The following LAMA5 variants were observed in gnomAD, a reference collection of about 807,000 sequenced individuals.
LAMA5 encodes the protein laminin subunit alpha 5, also known as laminin subunit alpha-5.
LAMA5 carries 260 observed loss-of-function variants against 433.4 expected under a neutral mutation model. That is an observed-to-expected ratio of 0.60 (90% CI 0.54 to 0.66). LAMA5 has a LOEUF of 0.66. Ranked by LOEUF, LAMA5 falls within the 30% of genes least tolerant of loss-of-function variation. The pLI is 0.00. For synonymous variants in LAMA5, 2,620 were observed against 2,226.6 expected (o/e 1.18, Z -4.97); for missense variants, 5,378 against 5,258.5 (o/e 1.02, Z -0.70).
chr20:62,329,640 G>T, intron 32 of LAMA5, 137 bp downstream of exon 32: 1 of 1,120,756 alleles, frequency 8.9e-7, no homozygotes, highest in Non-Finnish European at 1.3e-6. Context: ...GGTCCCCAAA[G>T]GCAGGAGCTG....
At chr20:62,345,309 CT>C (rs56342658) in intron 11 of LAMA5, 20,531 of 138,844 alleles carry the variant, frequency 0.15, 2,421 homozygotes, top group African/African-American at 0.35. Flanking sequence ...AACCAATTTT[CT>C]TTTTTTTTTT....
chr20:62,358,967 C>A (rs1309909647), intron 2 of LAMA5, among the ~76,000 whole-genome samples: 2 of 152,158 alleles, frequency 1.3e-5, no homozygotes, highest in African/African-American at 4.8e-5. Context: ...TGCTCGCCCC[C>A]AACCAATACT....
At chr20:62,325,009 T>C (rs2146143319) in intron 41 of LAMA5, 1 of 406,662 alleles carries the variant, frequency 2.5e-6, no homozygotes, top group Non-Finnish European at 4.5e-6. Flanking sequence ...GCCAGGATGG[T>C]CGGTGGGGGA....
intron 34 of LAMA5, 48 bp downstream of exon 34, chr20:62,328,796 C>G (rs745552478): frequency 1.3e-6 from 2 of 1,568,800 alleles, no homozygotes; most frequent in Non-Finnish European, 1.7e-6. Context: ...ACCTTGGGCT[C>G]TGGCACCAAC....
rs1241688148 is a variant in LAMA5 at position 62,315,064 on chromosome 20, C to T, written c.8011G>A (p.Asp2671Asn). ...QGQYEGLRGQ[D>N]LGQAVLDAGH... ...GCGTCAAGCACTGCCTGGCCCAGGT[C>T]CTGGCCCCGCAGGCCCTCGTACTGG... Residue 2671 changes from aspartate to asparagine, a missense_variant, in exon 59 of 80, where the codon GAC (aspartate) becomes AAC (asparagine). By Grantham distance (23) the Asp-to-Asn change is conservative (BLOSUM62 1). Coordinates refer to ENST00000252999, the MANE Select transcript of LAMA5 (RefSeq NM_005560.6). 31 of 1,600,522 alleles carry T rather than the reference C, an allele frequency of 1.9e-5. No individual in the cohort carries two copies. Among genetic ancestry groups the T allele is most frequent in the Non-Finnish European group, 2.6e-5 (31 of 1,178,968 alleles).
chr20:62,357,715 G>A (rs1985452670), intron 2 of LAMA5, among the ~76,000 whole-genome samples: 1 of 152,232 alleles, frequency 6.6e-6, no homozygotes, highest in Non-Finnish European at 1.5e-5. Context: ...GGGGTTGGAC[G>A]CCGCCATGCC....
chr20:62,336,682 G>A (rs1981685196), intron 17 of LAMA5, 52 bp downstream of exon 17: 2 of 1,600,892 alleles, frequency 1.2e-6, no homozygotes, highest in Non-Finnish European at 1.7e-6. Flanking sequence ...GGGACTTTTA[G>A]CTTGGCCTGG....
In LAMA5 at chr20:62,328,999, T is replaced by C. The variant is rs1568933572; in HGVS notation, c.4292A>G (p.Tyr1431Cys). The change falls in exon 34 of 80, where the codon TAT becomes TGT. Residue 1431 changes from tyrosine to cysteine, a missense_variant. Transcript: ENST00000252999. Reference sequence around the variant, plus strand: ...GCCACATGGACGGGCTCCGTTGTTATAGAAGAGGGAGAGGGAAGCAGCAGC... The same window carrying C: ...GCCACATGGACGGGCTCCGTTGTTACAGAAGAGGGAGAGGGAAGCAGCAGC... ...RNAAASLSLFYNNGARPCGCH... is the reference protein window; with the variant it reads ...RNAAASLSLFCNNGARPCGCH... 1.9e-6 allele frequency: 3 copies of C among 1,612,628 alleles called. No individual in the cohort carries two copies. Among genetic ancestry groups the C allele is most frequent in the Non-Finnish European group, 2.5e-6 (3 of 1,179,832 alleles).
rs1162420816 is a variant in LAMA5, at chr20:62,312,274, G to A, written c.9403C>T (p.Leu3135=). Residue 3135 remains leucine, a synonymous_variant, in exon 69 of 80, where the codon CTG becomes TTG. Transcript: ENST00000252999. ...AGCGGTGCCACGTTCGAGAGCGCCAGGCGAAGGAAGCCGTGGCCATGGAAA... is the reference window on the plus strand; with the variant it reads ...AGCGGTGCCACGTTCGAGAGCGCCAAGCGAAGGAAGCCGTGGCCATGGAAA... ...MTFHGHGFLR[L]ALSNVAPLTG... The A allele has an allele frequency of 1.2e-6, 2 of 1,611,412 alleles. No homozygotes were observed. The highest frequency in any genetic ancestry group is 1.7e-6 in the Non-Finnish European group (2 of 1,179,534).
rs141871645 is a variant in LAMA5 at position 62,326,931 on chromosome 20, C to T, written c.5148G>A (p.Leu1716=). 1 of 1,611,390 alleles carries T rather than the reference C, an allele frequency of 6.2e-7. No homozygotes were observed. Among genetic ancestry groups the T allele is most frequent in the Admixed American group, 1.7e-5 (1 of 59,942 alleles). The change falls in exon 39 of 80, where the codon CTG becomes CTA. Residue 1716 remains leucine (L), a synonymous_variant. Coordinates refer to ENST00000252999, the MANE Select transcript of LAMA5 (RefSeq NM_005560.6). ...SSYGGTLRYE[L]HSETQRGDVF... is the part of the protein sequence containing the mutation. ...CATCTCCCCGCTGGGTCTCTGAGTGCAGTTCATAACGGAGGGTCCCACCGT... is the reference window on the plus strand; with the variant it reads ...CATCTCCCCGCTGGGTCTCTGAGTGTAGTTCATAACGGAGGGTCCCACCGT...
chr20:62,313,686 A>T lies in LAMA5; in HGVS notation c.8621T>A (p.Phe2874Tyr), dbSNP rs1986577880. ...GGGGTACCCCCCGACGTAGAAGACG[A>T]AGTCGTCTGGCCGCAGGTTGAGCAG... is the stretch of plus-strand genomic sequence containing the variant. The part of the protein sequence containing the change: ...EGLLNLRPDD[F>Y]VFYVGGYPST... The change falls in exon 63 of 80, where the codon TTC becomes TAC. Residue 2874 changes from phenylalanine to tyrosine, a missense_variant. Coordinates refer to ENST00000252999, the MANE Select transcript of LAMA5 (RefSeq NM_005560.6). 1.2e-6 allele frequency: 2 copies of T among 1,612,792 alleles called. No homozygotes were observed. The highest frequency in any genetic ancestry group is 1.7e-6 in the Non-Finnish European group (2 of 1,179,954).
In LAMA5 at chr20:62,359,553, C is replaced by G. The variant is rs1301488271; in HGVS notation, c.450+2847G>C. Among the ~76,000 whole-genome samples the G allele has an allele frequency of 6.6e-6, 1 of 152,092 alleles. No individual in the cohort carries two copies. The highest frequency in any genetic ancestry group is 1.5e-5 in the Non-Finnish European group (1 of 68,004). ...AGGCCAGTGATGTGGCCGCTCAGTT[C>G]CAGAAGCTTCCGGAGGATGCAAGGA... On this transcript the variant is annotated intron_variant, in intron 2 of 79. Transcript: ENST00000252999. This position sits in a 1 kb window ranked among gnomAD's most constrained non-coding sequence, Gnocchi z 4.3.
chr20:62,320,958 C>G, intron 48 of LAMA5, 68 bp from the exon 49 acceptor site: 1 of 1,530,512 alleles, frequency 6.5e-7, no homozygotes, highest in Non-Finnish European at 8.8e-7. Flanking sequence ...TCAGCTGGGG[C>G]CCTGGGGTCA....
At chr20:62,358,205 C>G (rs953861176) in intron 2 of LAMA5, among the ~76,000 whole-genome samples, 2 of 152,180 alleles carry the variant, frequency 1.3e-5, no homozygotes, top group Admixed American at 1.3e-4. Context: ...AGGAGCGGCC[C>G]CATCCCCACC....
Position 62,346,234 on chromosome 20 carries a change from C to G in LAMA5, c.1283-19G>C. On this transcript the variant is annotated intron_variant, in intron 9 of 79. Coordinates refer to ENST00000252999, the MANE Select transcript of LAMA5 (RefSeq NM_005560.6). ...TTGCAGCCTGGGCAGGGGCAGGAGCCGGGTAAGCCTGGAGCTACCAGGACT... is the reference window on the plus strand; with the variant it reads ...TTGCAGCCTGGGCAGGGGCAGGAGCGGGGTAAGCCTGGAGCTACCAGGACT... 2 of 1,606,184 alleles carry G rather than the reference C, an allele frequency of 1.2e-6. No individual in the cohort carries two copies. The highest frequency in any genetic ancestry group is 1.7e-6 in the Non-Finnish European group (2 of 1,176,982).
chr20:62,328,351 G>A lies in LAMA5; in HGVS notation c.4542C>T (p.Pro1514=). ...TIPPDCLLCQ[P]QTFGCHPLVG... is the part of the protein sequence containing the mutation. ...CCAGGGGGTGGCAGCCAAAGGTCTGGGGCTGGCACAGCAGGCAGTCGGGCG... is the reference window on the plus strand; with the variant it reads ...CCAGGGGGTGGCAGCCAAAGGTCTGAGGCTGGCACAGCAGGCAGTCGGGCG... The change falls in exon 35 of 80, where the codon CCC becomes CCT. Residue 1514 remains proline, a synonymous_variant. Coordinates refer to ENST00000252999, the MANE Select transcript of LAMA5 (RefSeq NM_005560.6). The A allele has an allele frequency of 6.3e-7, 1 of 1,596,622 alleles. No homozygotes were observed. The highest frequency in any genetic ancestry group is 1.1e-5 in the South Asian group (1 of 88,786).
chr20:62,332,487 G>A lies in LAMA5; in HGVS notation c.3444-7C>T. On this transcript the variant is annotated splice_region_variant and splice_polypyrimidine_tract_variant and intron_variant, in intron 27 of 79. Transcript: ENST00000252999. ...AGTGCCCCGGCACAGGGTGCTGTGG[G>A]GGGAGGGTGGTCAGCAGGTGGGGCA... The A allele has an allele frequency of 6.2e-7, 1 of 1,611,476 alleles. No homozygotes were observed.
rs11698080 is a variant in LAMA5, at chr20:62,324,126, C to T, written c.5722G>A (p.Ala1908Thr). 0.22 allele frequency: 343,995 copies of T among 1,533,416 alleles called. 39,127 individuals carry two copies. The highest frequency in any genetic ancestry group is 0.27 in the African/African-American group (19,375 of 70,764). The allele number at this position is 1,533,416 out of a possible 1,614,324, so 95.0% of individuals were successfully genotyped here. A position where few individuals can be genotyped will look rare whatever the true frequency, so the allele number is the denominator to read the frequency against. ...GFVSSRDDPSAPCVSCPCPLS... is the reference protein window; with the variant it reads ...GFVSSRDDPSTPCVSCPCPLS... ...GGGCAGGGGCAGCTGACACAGGGGGCGCTGGGGTCGTCCCTGCTGCTCACG... is the reference window on the plus strand; with the variant it reads ...GGGCAGGGGCAGCTGACACAGGGGGTGCTGGGGTCGTCCCTGCTGCTCACG... Residue 1908 changes from alanine (A) to threonine (T), a missense_variant, in exon 43 of 80, where the codon GCC becomes ACC. By Grantham distance (58) the Ala-to-Thr change is moderately conservative. Coordinates refer to ENST00000252999, the MANE Select transcript of LAMA5 (RefSeq NM_005560.6). This position sits in a 1 kb window ranked among gnomAD's most constrained non-coding sequence, Gnocchi z 4.4.
chr20:62,367,167 G>GC lies in LAMA5; in HGVS notation c.78dup (p.Leu27AlafsTer78). The GC allele has an allele frequency of 8.0e-7, 1 of 1,250,012 alleles. No individual in the cohort carries two copies. The highest frequency in any genetic ancestry group is 3.1e-5 in the South Asian group (1 of 32,596). The allele number at this position is 1,250,012 out of a possible 1,614,324, so 77.4% of individuals were successfully genotyped here. On this transcript the variant is annotated frameshift_variant, in exon 1 of 80. Transcript: ENST00000252999. LOFTEE classifies it high-confidence loss of function. ...GCCCGCGCCGCGCCCAGCAGCGCCA[G>GC]CCCGACCAGCAGCAGCGGCGCGGGG... is the stretch of plus-strand genomic sequence containing the variant.
Sources: allele counts gnomAD v4.1 joint callset (sites outside exome capture counted in the v4.1 genomes callset), GRCh38; gene constraint gnomAD v4.1.1; non-coding constraint Gnocchi (gnomAD v3.1); transcripts MANE v1.5; gene names NCBI Gene and HGNC (gene_info 2026-07-23, HGNC 2026-07-21).